Variants in EXOC6B observed in about 807,000 individuals in gnomAD.
The protein encoded by EXOC6B is SEC15 homolog B.
In EXOC6B, 54 loss-of-function variants were observed where a neutral mutation model predicts 113.5. The observed-to-expected ratio is 0.48, with a 90% confidence interval of 0.38 to 0.60. The LOEUF is 0.60. Among genes scored for constraint, EXOC6B ranks in the 20% least tolerant of loss-of-function variants. The probability of loss-of-function intolerance (pLI) is 0.00; values close to 1 mark genes in which losing one functional copy is unlikely to be tolerated. For missense variants in EXOC6B, 797 were observed against 977.5 expected (o/e 0.82, Z 2.46); for synonymous variants, 357 against 339.0 (o/e 1.05, Z -0.58).
chr2:72,256,605 A>G (rs918991177), intron 20 of EXOC6B, among the ~76,000 whole-genome samples: 13 of 152,208 alleles, frequency 8.5e-5, no homozygotes, highest in African/African-American at 3.1e-4. Flanking sequence ...CAGGTTAAGT[A>G]TAGTTTAAAA....
chr2:72,335,864 G>A lies in EXOC6B; in HGVS notation c.2123-844C>T, dbSNP rs578041134. Among the ~76,000 whole-genome samples, 41 of 152,176 alleles carry A rather than the reference G, an allele frequency of 2.7e-4. No individual in the cohort carries two copies. The South Asian group carries it at 8.5e-3, about 32-fold the overall frequency. ...TTTGCAATTTACAGTGGCACCTTGG[G>A]TACATGCTCAGTTTATGACTCTGGC... On this transcript the variant is annotated intron_variant, in intron 19 of 21. Coordinates refer to ENST00000272427, the MANE Select transcript of EXOC6B (RefSeq NM_015189.3).
At chr2:72,486,886 G>C (rs990608083) in intron 16 of EXOC6B, among the ~76,000 whole-genome samples, 1 of 150,762 alleles carries the variant, frequency 6.6e-6, no homozygotes, top group African/African-American at 2.4e-5. Flanking sequence ...AAAAAAACCT[G>C]TCTTAACCGA....
chr2:72,312,806 AAAAAAAAAC>A (rs1356854341), intron 20 of EXOC6B, among the ~76,000 whole-genome samples: 36 of 151,662 alleles, frequency 2.4e-4, no homozygotes, highest in Admixed American at 3.3e-4. Context: ...CAACCAAAAA[AAAAAAAAAC>A]AAAAAACAAA....
chr2:72,202,311 CA>C (rs1286676364), intron 20 of EXOC6B, among the ~76,000 whole-genome samples: 1 of 152,184 alleles, frequency 6.6e-6, no homozygotes, highest in Non-Finnish European at 1.5e-5. Flanking sequence ...CCTTATTATT[CA>C]AGGAGATTTT....
intron 18 of EXOC6B, among the ~76,000 whole-genome samples, chr2:72,439,754 A>AC (rs1259633088): frequency 2.0e-5 from 3 of 152,116 alleles, no homozygotes; most frequent in African/African-American, 7.2e-5. Context: ...CCAGTTCTGA[A>AC]CCCTTGCTGG....
intron 1 of EXOC6B, among the ~76,000 whole-genome samples, chr2:72,767,181 G>C (rs917590094): frequency 6.6e-6 from 1 of 152,042 alleles, no homozygotes; most frequent in African/African-American, 2.4e-5. Context: ...TGTAATCCCT[G>C]CACTTTGGAA....
At chr2:72,201,745 T>G (rs1377813277) in intron 20 of EXOC6B, among the ~76,000 whole-genome samples, 2 of 152,184 alleles carry the variant, frequency 1.3e-5, no homozygotes, top group Non-Finnish European at 2.9e-5. Flanking sequence ...CTCTATAAGA[T>G]TTTCAAAAGT....
chr2:72,204,550 G>GAAA (rs544117662), intron 20 of EXOC6B, among the ~76,000 whole-genome samples: 1 of 130,720 alleles, frequency 7.6e-6, no homozygotes. Context: ...AAGACCAGAA[G>GAAA]AAGAAAAAAA....
chr2:72,725,944 AT>A (rs1680275291), intron 5 of EXOC6B, among the ~76,000 whole-genome samples: 1 of 152,242 alleles, frequency 6.6e-6, no homozygotes. Context: ...TTGTAGCAGC[AT>A]TATTCGTAAT....
chr2:72,450,303 C>T (rs535667306), intron 18 of EXOC6B, among the ~76,000 whole-genome samples: 4 of 152,198 alleles, frequency 2.6e-5, no homozygotes, highest in Admixed American at 6.5e-5. Flanking sequence ...CCCAGGTTTT[C>T]GGACTAAAAG....
chr2:72,579,338 T>A (rs777864254), intron 6 of EXOC6B, among the ~76,000 whole-genome samples: 14 of 152,140 alleles, frequency 9.2e-5, no homozygotes, highest in Non-Finnish European at 1.8e-4. Context: ...GTAAAGCACC[T>A]CAGTGTATAC....
Position 72,415,841 on chromosome 2 carries a change from A to G in EXOC6B, c.1981-35971T>C, listed in dbSNP as rs187580386. 5.3e-5 allele frequency among the ~76,000 whole-genome samples: 8 copies of G among 152,280 alleles called. No individual in the cohort carries two copies. The East Asian group carries it at 1.5e-3, about 29-fold the overall frequency. On this transcript the variant is annotated intron_variant, in intron 18 of 21. Coordinates refer to ENST00000272427, the MANE Select transcript of EXOC6B (RefSeq NM_015189.3). ...GATTTATTTACATTATATCTTCATT[A>G]TTAAAGTGCAGAGAAAACGTGATTT...
intron 19 of EXOC6B, among the ~76,000 whole-genome samples, chr2:72,378,787 A>C (rs1691507430): frequency 6.6e-6 from 1 of 152,226 alleles, no homozygotes; most frequent in Non-Finnish European, 1.5e-5. Flanking sequence ...AAAAATTCCA[A>C]GAGTCACATC....
rs183239571 is a variant in EXOC6B, at chr2:72,407,363, G to T, written c.1981-27493C>A. On this transcript the variant is annotated intron_variant, in intron 18 of 21. Transcript: ENST00000272427. Reference sequence around the variant, plus strand: ...AGAGGGAATCCTCCCTAACTCATTTGATGAGGCCAGCATCATCCCGATACT... The same window carrying T: ...AGAGGGAATCCTCCCTAACTCATTTTATGAGGCCAGCATCATCCCGATACT... Among the ~76,000 whole-genome samples, 160 of 152,222 alleles carry T rather than the reference G, an allele frequency of 1.1e-3. 3 individuals carry two copies. Among genetic ancestry groups the T allele is most frequent in the Middle Eastern group, 3.4e-3 (1 of 294 alleles).
intron 18 of EXOC6B, among the ~76,000 whole-genome samples, chr2:72,458,795 G>A (rs1697421016): frequency 6.6e-6 from 1 of 152,060 alleles, no homozygotes; most frequent in Non-Finnish European, 1.5e-5. Flanking sequence ...CCACATTACT[G>A]CTTCTAAATG....
At chr2:72,461,018 CT>C (rs749586451) in intron 18 of EXOC6B, among the ~76,000 whole-genome samples, 8 of 151,686 alleles carry the variant, frequency 5.3e-5, no homozygotes, top group Non-Finnish European at 8.8e-5. Context: ...CCATAGAATA[CT>C]ATGCAGCCAT....
chr2:72,518,344 C>T (rs1222351366), intron 8 of EXOC6B, among the ~76,000 whole-genome samples: 13 of 152,128 alleles, frequency 8.5e-5, no homozygotes, highest in Non-Finnish European at 1.9e-4. Flanking sequence ...AACCAAGTCA[C>T]TTAATATATA....
At chr2:72,451,230 A>T (rs542963900) in intron 18 of EXOC6B, among the ~76,000 whole-genome samples, 1 of 152,284 alleles carries the variant, frequency 6.6e-6, no homozygotes, top group South Asian at 2.1e-4. Context: ...CACAAAAGAA[A>T]ATTAGCCTTA....
intron 6 of EXOC6B, among the ~76,000 whole-genome samples, chr2:72,667,965 T>A (rs1267035946): frequency 4.6e-5 from 7 of 152,130 alleles, no homozygotes; most frequent in Non-Finnish European, 1.0e-4. Flanking sequence ...TCACCAACTA[T>A]GCATCCAACA....
Sources: allele counts gnomAD v4.1 joint callset (sites outside exome capture counted in the v4.1 genomes callset), GRCh38; gene constraint gnomAD v4.1.1; transcripts MANE v1.5; gene names NCBI Gene and HGNC (gene_info 2026-07-23, HGNC 2026-07-21).